The following GLG1 variants were observed in gnomAD, a reference collection of about 807,000 sequenced individuals.
GLG1 encodes the protein Golgi apparatus protein 1.
Under a neutral mutation model 160.5 loss-of-function variants are expected in GLG1, and 38 were observed. The observed-to-expected ratio is 0.24, with a 90% CI of 0.18 to 0.31. The LOEUF (loss-of-function observed/expected upper bound fraction) is 0.31, where lower values mean the gene tolerates loss of function less well. Ranked by LOEUF, GLG1 falls within the 10% of genes least tolerant of loss-of-function variation. The pLI, the probability that GLG1 is intolerant of heterozygous loss-of-function variation, is 1.00. For missense variants in GLG1, 1,373 were observed against 1,505.2 expected (o/e 0.91, Z 1.45); for synonymous variants, 644 against 543.4 (o/e 1.19, Z -2.57).
chr16:74,532,192 A>AT (rs1567507513), intron 1 of GLG1, 39 bp from the exon 2 acceptor site: 3 of 589,260 alleles, frequency 5.1e-6, no homozygotes, highest in Non-Finnish European at 7.6e-6. Context: ...GTAAAAAAAA[A>AT]AATATATATA....
chr16:74,545,910 C>T (rs2018032138), intron 1 of GLG1, among the ~76,000 whole-genome samples: 2 of 152,186 alleles, frequency 1.3e-5, no homozygotes, highest in Admixed American at 1.3e-4. Flanking sequence ...AACCGGTCAA[C>T]TTTAATAAAG....
chr16:74,548,181 A>G (rs2018101995), intron 1 of GLG1, among the ~76,000 whole-genome samples: 1 of 152,228 alleles, frequency 6.6e-6, no homozygotes, highest in Non-Finnish European at 1.5e-5. Context: ...TCTGCATTCT[A>G]AAAATATCTG....
chr16:74,452,020 C>A lies in GLG1; in HGVS notation c.*1147G>T. On this transcript the variant is annotated 3_prime_UTR_variant, in exon 26 of 26. Transcript: ENST00000422840. ...CTCTCCACGTAGAGGCACAAAGGAGCTTGTCTGGGAAGTTTGTCTGGAGTG... is the reference window on the plus strand; with the variant it reads ...CTCTCCACGTAGAGGCACAAAGGAGATTGTCTGGGAAGTTTGTCTGGAGTG... 1 of 1,456,652 alleles carries A rather than the reference C, an allele frequency of 6.9e-7. No individual in the cohort carries two copies. The highest frequency in any genetic ancestry group is 9.7e-7 in the Non-Finnish European group (1 of 1,036,164). 90.2% of individuals were successfully genotyped at this position (1,456,652 alleles called of 1,614,324 possible).
intron 4 of GLG1, among the ~76,000 whole-genome samples, chr16:74,498,435 A>AC (rs2016277856): frequency 7.7e-5 from 1 of 13,048 alleles, no homozygotes; most frequent in Non-Finnish European, 2.0e-4. Flanking sequence ...CTCTGTCTCA[A>AC]AAAAAAAAAA....
At chr16:74,485,980 T>C (rs1454342539) in intron 8 of GLG1, 63 bp from the exon 9 acceptor site, 11 of 1,305,930 alleles carry the variant, frequency 8.4e-6, no homozygotes, top group Non-Finnish European at 1.2e-5. Flanking sequence ...AAGAGCAGTG[T>C]CTTCATACAT....
At chr16:74,523,935 G>A (rs1029426427) in intron 2 of GLG1, among the ~76,000 whole-genome samples, 2 of 152,088 alleles carry the variant, frequency 1.3e-5, no homozygotes, top group African/African-American at 4.8e-5. Context: ...AATAGGCCAG[G>A]CGCGGTGGCT....
chr16:74,515,797 G>A (rs1379517237), intron 2 of GLG1, among the ~76,000 whole-genome samples: 2 of 151,538 alleles, frequency 1.3e-5, no homozygotes, highest in Admixed American at 6.6e-5. Context: ...CTGTATTCAG[G>A]AAACCCCTCT....
intron 1 of GLG1, among the ~76,000 whole-genome samples, chr16:74,576,210 G>T (rs1488442616): frequency 6.6e-6 from 1 of 151,510 alleles, no homozygotes; most frequent in Non-Finnish European, 1.5e-5. Context: ...AAAAAAAAAA[G>T]TTCAAACTAT....
intron 2 of GLG1, among the ~76,000 whole-genome samples, chr16:74,518,280 T>C (rs367708012): frequency 1.3e-5 from 2 of 152,086 alleles, no homozygotes; most frequent in African/African-American, 4.8e-5. Context: ...GGAGGCATCA[T>C]GCTACCCGAC....
At position 74,596,165 on chromosome 16, in the gene GLG1, C is replaced by T. The variant is rs542389419; in HGVS notation, c.438+10492G>A. Among the ~76,000 whole-genome samples, 3 of 152,228 alleles carry T rather than the reference C, an allele frequency of 2.0e-5. No individual in the cohort carries two copies. In the South Asian group the frequency reaches 6.2e-4, roughly 32 times the overall value. Reference sequence around the variant, plus strand: ...AGGATTTACCCCTTCAAAGTGTACACATTTTGAGATCATGCCACTGCCCTC... The same window carrying T: ...AGGATTTACCCCTTCAAAGTGTACATATTTTGAGATCATGCCACTGCCCTC... On this transcript the variant is annotated intron_variant, in intron 1 of 25. Transcript: ENST00000422840.
chr16:74,599,212 GACTTT>G (rs138498266), intron 1 of GLG1, among the ~76,000 whole-genome samples: 15,835 of 152,046 alleles, frequency 0.1, 953 homozygotes, highest in East Asian at 0.31. Flanking sequence ...CCCATTTCTG[GACTTT>G]ACTTGGAGAA....
chr16:74,465,850 C>G, intron 18 of GLG1, 37 bp from the exon 19 acceptor site: 4 of 1,589,812 alleles, frequency 2.5e-6, no homozygotes, highest in Non-Finnish European at 3.5e-6. Context: ...TGAGAGATGT[C>G]AGAGACTGCT....
chr16:74,507,044 G>C (rs2016638005), intron 3 of GLG1, among the ~76,000 whole-genome samples: 1 of 152,158 alleles, frequency 6.6e-6, no homozygotes, highest in African/African-American at 2.4e-5. Flanking sequence ...GTATTCTTGT[G>C]ATGTTGTTTT....
chr16:74,592,151 T>C (rs1000324508), intron 1 of GLG1, among the ~76,000 whole-genome samples: 8 of 152,046 alleles, frequency 5.3e-5, no homozygotes, highest in South Asian at 2.1e-4. Context: ...CACTGATTGA[T>C]TGATTGATTG....
intron 3 of GLG1, among the ~76,000 whole-genome samples, chr16:74,505,334 T>G (rs1369403054): frequency 6.6e-6 from 1 of 152,250 alleles, no homozygotes; most frequent in Non-Finnish European, 1.5e-5. Flanking sequence ...AATAATAGTC[T>G]CACACTGGTT....
chr16:74,472,556 A>G, intron 13 of GLG1, 145 bp from the exon 14 acceptor site: 1 of 1,478,782 alleles, frequency 6.8e-7, no homozygotes, highest in Non-Finnish European at 9.1e-7. Context: ...TTTGAAGTAG[A>G]TAGCCCCAGA....
intron 19 of GLG1, among the ~76,000 whole-genome samples, chr16:74,463,728 T>TG (rs1281889986): frequency 1.8e-4 from 18 of 100,662 alleles, no homozygotes; most frequent in Non-Finnish European, 8.8e-5. Context: ...ATTTTTGTGT[T>TG]TTTTTTGTTG....
intron 25 of GLG1, among the ~76,000 whole-genome samples, chr16:74,455,364 A>G (rs1470374513): frequency 6.6e-6 from 1 of 152,184 alleles, no homozygotes; most frequent in East Asian, 1.9e-4. Flanking sequence ...GAGCTCCAAT[A>G]GTTGCCAACA....
chr16:74,525,297 G>A (rs940090241), intron 2 of GLG1, among the ~76,000 whole-genome samples: 10 of 152,084 alleles, frequency 6.6e-5, no homozygotes, highest in African/African-American at 2.2e-4. Flanking sequence ...TTTGTTAATT[G>A]TCCACCTTTT....
Sources: allele counts gnomAD v4.1 joint callset (sites outside exome capture counted in the v4.1 genomes callset), GRCh38; gene constraint gnomAD v4.1.1; transcripts MANE v1.5; gene names NCBI Gene and HGNC (gene_info 2026-07-23, HGNC 2026-07-21).